PHKB: variants seen among roughly 807,000 people sequenced by gnomAD.
PHKB encodes phosphorylase kinase regulatory subunit beta, also known as phosphorylase b kinase regulatory subunit beta.
Under a neutral mutation model 152.1 loss-of-function variants are expected in PHKB, and 122 were observed. The observed-to-expected ratio is 0.80, with a 90% confidence interval of 0.69 to 0.93. The LOEUF (loss-of-function observed/expected upper bound fraction) is 0.93, where lower values mean the gene tolerates loss of function less well. Among genes scored for constraint, PHKB ranks in the 40% least tolerant of loss-of-function variants. The pLI is 0.00. For synonymous variants in PHKB, 436 were observed against 464.9 expected (o/e 0.94, Z 0.80); for missense variants, 1,304 against 1,328.4 (o/e 0.98, Z 0.29).
intron 1 of PHKB, among the ~76,000 whole-genome samples, chr16:47,483,884 C>T (rs1335326742): frequency 6.6e-6 from 1 of 152,182 alleles, no homozygotes; most frequent in East Asian, 1.9e-4. Flanking sequence ...TAAGCACTCA[C>T]TATGTGCCAG....
intron 6 of PHKB, among the ~76,000 whole-genome samples, chr16:47,529,012 A>C (rs752034538): frequency 5.3e-5 from 8 of 152,074 alleles, no homozygotes; most frequent in Non-Finnish European, 8.8e-5. Context: ...TTTTATACAC[A>C]AAAAATGCTG....
chr16:47,557,051 C>T (rs1460262238), intron 7 of PHKB, among the ~76,000 whole-genome samples: 1 of 152,130 alleles, frequency 6.6e-6, no homozygotes, highest in African/African-American at 2.4e-5. Context: ...ATCAATGGAA[C>T]AGAACAGAGC....
intron 1 of PHKB, among the ~76,000 whole-genome samples, chr16:47,471,814 A>G (rs1969773195): frequency 6.6e-6 from 1 of 152,216 alleles, no homozygotes; most frequent in South Asian, 2.1e-4. Context: ...GCATATATAC[A>G]AATATAAAAT....
chr16:47,525,870 G>C (rs1291070126), intron 6 of PHKB, among the ~76,000 whole-genome samples: 1 of 152,168 alleles, frequency 6.6e-6, no homozygotes, highest in South Asian at 2.1e-4. Flanking sequence ...GTTTATAAAA[G>C]CATAATGAGG....
chr16:47,570,099 G>C (rs1489210297), intron 7 of PHKB, among the ~76,000 whole-genome samples: 1 of 152,216 alleles, frequency 6.6e-6, no homozygotes. Flanking sequence ...TGTTTGAGGA[G>C]ACTAAAGATA....
chr16:47,655,632 A>C (rs1453183757), intron 20 of PHKB, among the ~76,000 whole-genome samples: 1 of 152,244 alleles, frequency 6.6e-6, no homozygotes. Context: ...TTTTAAAGTC[A>C]GAATGATATC....
rs367550719 is a variant in PHKB at position 47,660,906 on chromosome 16, G to A, written c.2196+87G>A. On this transcript the variant is annotated intron_variant, in intron 22 of 30. Transcript: ENST00000323584. ...ATCAGACCATATGTCTTTTTGTCCTGTCAGTGAAGGTAGCAATTAATCTGG... is the reference window on the plus strand; with the variant it reads ...ATCAGACCATATGTCTTTTTGTCCTATCAGTGAAGGTAGCAATTAATCTGG... 7.4e-5 allele frequency: 98 copies of A among 1,319,030 alleles called. No homozygotes were observed. In the East Asian group the frequency reaches 1.7e-3, roughly 23 times the overall value. 81.7% of individuals were successfully genotyped at this position (1,319,030 alleles called of 1,614,324 possible).
intron 26 of PHKB, among the ~76,000 whole-genome samples, chr16:47,679,947 A>G (rs1171766405): frequency 2.0e-5 from 3 of 152,196 alleles, no homozygotes; most frequent in South Asian, 2.1e-4. Flanking sequence ...CGTCTCATCA[A>G]TACCTAATTT....
Position 47,598,656 on chromosome 16 carries a change from T to C in PHKB, c.1363+2125T>C. 8 of 1,509,512 alleles carry C rather than the reference T, an allele frequency of 5.3e-6. No individual in the cohort carries two copies. The Admixed American group carries it at 1.0e-4, about 19-fold the overall frequency. The allele number at this position is 1,509,512 out of a possible 1,614,324, so 93.5% of individuals were successfully genotyped here. A position where few individuals can be genotyped will look rare whatever the true frequency, so the allele number is the denominator to read the frequency against. On this transcript the variant is annotated intron_variant, in intron 13 of 30. Coordinates refer to ENST00000323584, the MANE Select transcript of PHKB (RefSeq NM_000293.3). ...ACACACCAAAGTCACTTAATAATTA[T>C]ATTGGCCATTTCCACTGATCGGCAG...
rs200312877 is a variant in PHKB at position 47,499,817 on chromosome 16, C to T, written c.228C>T (p.Cys76=). Residue 76 remains cysteine (C), a synonymous_variant, in exon 3 of 31, where the codon TGC becomes TGT. Coordinates refer to ENST00000323584, the MANE Select transcript of PHKB (RefSeq NM_000293.3). Reference sequence around the variant, plus strand: ...CCGGTCTCTTTCCCACTAAAACATGCGGTGGTGACCAGAAGGCCAAGATCC... The same window carrying T: ...CCGGTCTCTTTCCCACTAAAACATGTGGTGGTGACCAGAAGGCCAAGATCC... ...PTTGLFPTKT[C]GGDQKAKIQD... The T allele has an allele frequency of 3.5e-5, 57 of 1,613,960 alleles. No homozygotes were observed. Among genetic ancestry groups the T allele is most frequent in the East Asian group, 6.7e-5 (3 of 44,892 alleles).
At chr16:47,565,865 A>C in intron 7 of PHKB, 1 of 1,242,376 alleles carries the variant, frequency 8.0e-7, no homozygotes, top group Non-Finnish European at 1.1e-6. Flanking sequence ...AGGTACTAGC[A>C]GAGGAATTAT....
chr16:47,589,794 T>C (rs1971996445), intron 10 of PHKB, among the ~76,000 whole-genome samples: 1 of 152,220 alleles, frequency 6.6e-6, no homozygotes, highest in South Asian at 2.1e-4. Flanking sequence ...TTTTTGTTTC[T>C]TTCCTTTTGA....
chr16:47,525,992 C>T (rs1029741479), intron 6 of PHKB, among the ~76,000 whole-genome samples: 21 of 152,178 alleles, frequency 1.4e-4, no homozygotes, highest in African/African-American at 4.3e-4. Context: ...GGCCCTGGGG[C>T]AGTTAGGGTA....
intron 28 of PHKB, among the ~76,000 whole-genome samples, chr16:47,694,454 A>AAATT (rs1465764650): frequency 6.6e-6 from 1 of 152,110 alleles, no homozygotes; most frequent in East Asian, 1.9e-4. Flanking sequence ...GACCCATAGG[A>AAATT]AATTGGTAGT....
chr16:47,571,618 G>A lies in PHKB; in HGVS notation c.711-8677G>A, dbSNP rs866095304. Among the ~76,000 whole-genome samples, 12 of 152,272 alleles carry A rather than the reference G, an allele frequency of 7.9e-5. No individual in the cohort carries two copies. In the South Asian group the frequency reaches 2.1e-3, roughly 26 times the overall value. The stretch of plus-strand genomic sequence containing the variant: ...GCCCAGAGGGCACTCCTCCCAAGGC[G>A]ATGCAGTCACCCCAAAGTGCTTGAG... On this transcript the variant is annotated intron_variant, in intron 7 of 30. Coordinates refer to ENST00000323584, the MANE Select transcript of PHKB (RefSeq NM_000293.3).
At chr16:47,481,586 T>C (rs1024699432) in intron 1 of PHKB, among the ~76,000 whole-genome samples, 1 of 152,222 alleles carries the variant, frequency 6.6e-6, no homozygotes, top group Non-Finnish European at 1.5e-5. Context: ...AGCCAATTAA[T>C]CCAGAAACCA....
intron 6 of PHKB, among the ~76,000 whole-genome samples, chr16:47,527,557 G>T (rs1257096354): frequency 6.6e-6 from 1 of 152,158 alleles, no homozygotes. Context: ...AAAGTGCACG[G>T]CAATAAATTT....
chr16:47,565,389 C>T (rs1971547818), intron 7 of PHKB: 1 of 1,089,736 alleles, frequency 9.2e-7, no homozygotes, highest in Admixed American at 1.7e-5. Flanking sequence ...GCTACTTTTC[C>T]CCCACCACTT....
At chr16:47,545,829 T>G (rs536802753) in intron 6 of PHKB, among the ~76,000 whole-genome samples, 5 of 152,346 alleles carry the variant, frequency 3.3e-5, no homozygotes, top group South Asian at 4.1e-4. Context: ...TCTCACTTCA[T>G]TTCATTCATT....
Sources: allele counts gnomAD v4.1 joint callset (sites outside exome capture counted in the v4.1 genomes callset), GRCh38; gene constraint gnomAD v4.1.1; transcripts MANE v1.5; gene names NCBI Gene and HGNC (gene_info 2026-07-23, HGNC 2026-07-21).